The following ALX4 variants were observed in gnomAD, a reference collection of about 807,000 sequenced individuals.
ALX4 encodes ALX homeobox 4.
In ALX4, 22 loss-of-function variants were observed where a neutral mutation model predicts 40.6. The observed-to-expected ratio is 0.54, with a 90% CI of 0.39 to 0.77. The LOEUF (loss-of-function observed/expected upper bound fraction) is 0.77, where lower values mean the gene tolerates loss of function less well. ALX4 is among the 30% of genes least tolerant of loss of function. The probability of loss-of-function intolerance (pLI) is 0.00; values close to 1 mark genes in which losing one functional copy is unlikely to be tolerated. For synonymous variants in ALX4, 266 were observed against 240.5 expected (o/e 1.11, Z -0.98); for missense variants, 556 against 564.8 (o/e 0.98, Z 0.16).
intron 2 of ALX4, among the ~76,000 whole-genome samples, chr11:44,271,780 C>T (rs74792007): frequency 0.013 from 1,933 of 152,238 alleles, 37 homozygotes; most frequent in African/African-American, 0.044. Flanking sequence ...ATGCTCTGTG[C>T]GCCTTTGTTT....
chr11:44,273,955 T>TA (rs977540752), intron 2 of ALX4, among the ~76,000 whole-genome samples: 4 of 151,454 alleles, frequency 2.6e-5, no homozygotes, highest in African/African-American at 7.3e-5. Flanking sequence ...CCAGTCTCTT[T>TA]AAAAAAAATA....
intron 1 of ALX4, among the ~76,000 whole-genome samples, chr11:44,290,941 T>C (rs866677111): frequency 9.2e-5 from 14 of 152,322 alleles, no homozygotes; most frequent in Middle Eastern, 6.8e-3. Context: ...AGTTATGATC[T>C]GGGGATGAAT....
At chr11:44,297,534 A>T (rs1471239383) in intron 1 of ALX4, among the ~76,000 whole-genome samples, 1 of 151,918 alleles carries the variant, frequency 6.6e-6, no homozygotes, top group Non-Finnish European at 1.5e-5. Context: ...CCTGGGCAGC[A>T]TGGAGAAACC....
chr11:44,306,094 A>C (rs1046013664), intron 1 of ALX4, among the ~76,000 whole-genome samples: 1 of 152,154 alleles, frequency 6.6e-6, no homozygotes, highest in Non-Finnish European at 1.5e-5. Flanking sequence ...GGAATTCAGG[A>C]GGCCAAAGAG....
intron 1 of ALX4, among the ~76,000 whole-genome samples, chr11:44,279,821 G>C (rs1422283173): frequency 1.3e-5 from 2 of 152,314 alleles, no homozygotes; most frequent in Non-Finnish European, 1.5e-5. Context: ...TAGAATGTCA[G>C]TTCCCCAGGG....
chr11:44,307,893 CGTGTGTGGAGCTGTGGGTGTCT>C (rs1565012494), intron 1 of ALX4, among the ~76,000 whole-genome samples: 1 of 146,702 alleles, frequency 6.8e-6, no homozygotes, highest in Non-Finnish European at 1.5e-5. Context: ...TGTGGGTGTC[CGTGTGTGGAGCTGTGGGTGTCT>C]GTGTGTGGAG....
In ALX4 at chr11:44,264,447, C is replaced by T. The variant is rs539799951; in HGVS notation, c.*407G>A. 1.9e-4 allele frequency: 40 copies of T among 208,674 alleles called. No individual in the cohort carries two copies. The East Asian group carries it at 3.7e-3, about 20-fold the overall frequency. The allele number at this position is 208,674 out of a possible 1,614,324, so 12.9% of individuals were successfully genotyped here. ...GGTGACCAGGGGACCCCACTAGGAG[C>T]GGGAAGGATGGACAAGACTGGGCTG... On this transcript the variant is annotated 3_prime_UTR_variant, in exon 4 of 4. Transcript: ENST00000652299.
At chr11:44,267,375 A>G in intron 3 of ALX4, 119 bp downstream of exon 3, 1 of 1,375,318 alleles carries the variant, frequency 7.3e-7, no homozygotes, top group South Asian at 1.3e-5. Context: ...CTGGAATGAG[A>G]CGGAAGGGCA....
chr11:44,301,954 C>T lies in ALX4; in HGVS notation c.466+7643G>A, dbSNP rs149919707. On this transcript the variant is annotated intron_variant, in intron 1 of 3. Transcript: ENST00000652299. ...GTGGGTGGGCTGGATGGACCATGTT[C>T]GAGGGCCCCAGGATGACGCGGGGGG... 1.3e-3 allele frequency among the ~76,000 whole-genome samples: 194 copies of T among 152,272 alleles called. 1 individual carries two copies. The highest frequency in any genetic ancestry group is 4.3e-3 in the African/African-American group (179 of 41,552).
Position 44,309,708 on chromosome 11 carries a change from G to C in ALX4, c.355C>G (p.Gln119Glu). The change falls in exon 1 of 4, where the codon CAA becomes GAA. Residue 119 changes from glutamine (Q) to glutamate (E), a missense_variant. By Grantham distance (29) the Gln-to-Glu change is conservative (BLOSUM62 2). Transcript: ENST00000652299. ...CCTCGCTGCAAGTAAAGATGCGGTT[G>C]CGCGGGCGGCTGGGGCTGCGGCTGC... ...QQQPQPQPPA[Q>E]PHLYLQRGAC... is the part of the protein sequence containing the mutation. 6.3e-7 allele frequency: 1 copy of C among 1,579,658 alleles called. No homozygotes were observed. The highest frequency in any genetic ancestry group is 1.4e-5 in the African/African-American group (1 of 73,640).
At position 44,275,396 on chromosome 11, in the gene ALX4, C is replaced by T. The variant is rs11037928; in HGVS notation, c.729G>A (p.Ala243=). 0.11 allele frequency: 170,990 copies of T among 1,614,110 alleles called. 10,043 individuals are homozygous for T. The highest frequency in any genetic ancestry group is 0.19 in the Middle Eastern group (1,144 of 6,062). The change falls in exon 2 of 4, where the codon GCG becomes GCA. Residue 243 remains alanine (A), a synonymous_variant. Coordinates refer to ENST00000652299, the MANE Select transcript of ALX4 (RefSeq NM_021926.4). The stretch of plus-strand genomic sequence containing the variant: ...CTGTCCTCATGGCCAGCTGTTCCCG[C>T]GCATACACGTCTGGGTAGTGGGTCT... The part of the protein sequence containing the change: ...FQKTHYPDVY[A]REQLAMRTDL...
rs371742894 is a variant in ALX4 at position 44,267,584 on chromosome 11, C to T, written c.816G>A (p.Arg272=). 6.2e-7 allele frequency: 1 copy of T among 1,614,142 alleles called. No homozygotes were observed. Among genetic ancestry groups the T allele is most frequent in the Non-Finnish European group, 8.5e-7 (1 of 1,180,022 alleles). Reference sequence around the variant, plus strand: ...CCTGCTGCATCTGCCCAAAACGCTCCCGCTTCCTCCACTTGGCCCTTCGGT... The same window carrying T: ...CCTGCTGCATCTGCCCAAAACGCTCTCGCTTCCTCCACTTGGCCCTTCGGT... ...FQNRRAKWRK[R]ERFGQMQQVR... is the part of the protein sequence containing the mutation. The change falls in exon 3 of 4, where the codon CGG becomes CGA. Residue 272 remains arginine (R), a synonymous_variant. Transcript: ENST00000652299.
chr11:44,282,627 A>G (rs892745413), intron 1 of ALX4, among the ~76,000 whole-genome samples: 2 of 152,244 alleles, frequency 1.3e-5, no homozygotes, highest in African/African-American at 4.8e-5. Flanking sequence ...TATCCAGGCC[A>G]TGGATCGACT....
At chr11:44,297,051 T>C (rs1956406903) in intron 1 of ALX4, among the ~76,000 whole-genome samples, 2 of 135,768 alleles carry the variant, frequency 1.5e-5, no homozygotes, top group South Asian at 5.2e-4. Flanking sequence ...AGTAGGAAAA[T>C]CCACAGAGAG....
intron 1 of ALX4, among the ~76,000 whole-genome samples, chr11:44,306,518 G>T (rs527366791): frequency 1.7e-4 from 26 of 152,362 alleles, no homozygotes; most frequent in African/African-American, 5.8e-4. Context: ...AGTTACACAC[G>T]TGAAAGAACA....
At chr11:44,269,457 T>G (rs376304102) in intron 2 of ALX4, among the ~76,000 whole-genome samples, 22 of 152,226 alleles carry the variant, frequency 1.4e-4, no homozygotes, top group East Asian at 1.2e-3. Flanking sequence ...TACATTATTA[T>G]GTTTCTCCAC....
At chr11:44,266,080 A>G (rs1956211955) in intron 3 of ALX4, among the ~76,000 whole-genome samples, 1 of 152,028 alleles carries the variant, frequency 6.6e-6, no homozygotes, top group Non-Finnish European at 1.5e-5. Context: ...CACTCGAGGG[A>G]GGCATTTTAA....
chr11:44,287,601 A>G (rs1236763082), intron 1 of ALX4, among the ~76,000 whole-genome samples: 2 of 146,880 alleles, frequency 1.4e-5, no homozygotes, highest in African/African-American at 2.5e-5. Context: ...GTCTCAAAAA[A>G]AAAAGAAAAG....
At chr11:44,298,517 G>T (rs772035416) in intron 1 of ALX4, among the ~76,000 whole-genome samples, 1 of 152,186 alleles carries the variant, frequency 6.6e-6, no homozygotes, top group African/African-American at 2.4e-5. Context: ...TGGCAGGAAT[G>T]GGGGTGCCAG....
Sources: gnomAD v4.1 joint callset for allele counts (sites outside exome capture counted in the v4.1 genomes callset) on GRCh38, gnomAD v4.1.1 for gene constraint, MANE v1.5 for transcripts, NCBI Gene and HGNC (gene_info 2026-07-23, HGNC 2026-07-21) for gene names.